PXDNL: variants seen among roughly 807,000 people sequenced by gnomAD.
The protein encoded by PXDNL is peroxidasin like, also known as probable oxidoreductase PXDNL.
A neutral mutation model predicts 150.8 loss-of-function variants in PXDNL; 145 were observed. The ratio of observed to expected loss-of-function variants is 0.96; its 90% CI spans 0.84 to 1.10. PXDNL has a LOEUF of 1.10. Among genes scored for constraint, PXDNL ranks in the 50% least tolerant of loss-of-function variants. The pLI is 0.00. For missense variants in PXDNL, 2,087 were observed against 1,873.9 expected (o/e 1.11, Z -2.10); for synonymous variants, 757 against 725.7 (o/e 1.04, Z -0.69).
At chr8:51,541,768 C>A (rs1197942848) in intron 4 of PXDNL, among the ~76,000 whole-genome samples, 1 of 152,162 alleles carries the variant, frequency 6.6e-6, no homozygotes, top group African/African-American at 2.4e-5. Context: ...TGGAAACCAC[C>A]TCTGGAAAAC....
chr8:51,668,541 C>T lies in PXDNL; in HGVS notation c.165-13781G>A, dbSNP rs138208069. ...GGCTAAAAGGAGAAAAGCACTCTTA[C>T]GAGAAGGATTTTGCTTAACCTATGG... On this transcript the variant is annotated intron_variant, in intron 1 of 22. Transcript: ENST00000356297. Among the ~76,000 whole-genome samples, 179 of 152,162 alleles carry T rather than the reference C, an allele frequency of 1.2e-3. 1 individual carries two copies. Among genetic ancestry groups the T allele is most frequent in the African/African-American group, 3.5e-3 (146 of 41,532 alleles).
chr8:51,349,165 GT>G (rs1806258074), intron 19 of PXDNL, among the ~76,000 whole-genome samples: 4 of 71,914 alleles, frequency 5.6e-5, no homozygotes, highest in Non-Finnish European at 1.4e-4. Context: ...GTGGGTGGGT[GT>G]GTGTGTGGGG....
At chr8:51,346,065 C>T (rs769011665) in intron 19 of PXDNL, 118 bp from the exon 20 acceptor site, 220 of 624,938 alleles carry the variant, frequency 3.5e-4, no homozygotes, top group South Asian at 2.1e-3. Context: ...GAGTAGAGAG[C>T]GAGAGTGAGA....
chr8:51,409,398 C>T lies in PXDNL; in HGVS notation c.2226G>A (p.Trp742Ter), dbSNP rs750436571. The T allele has an allele frequency of 1.9e-6, 3 of 1,609,438 alleles. No homozygotes were observed. Among genetic ancestry groups the T allele is most frequent in the Admixed American group, 1.7e-5 (1 of 59,552 alleles). ...GCGCGAAGGCGGTCAGCGCCGCGCC[C>T]CACGTGGGCTGCTGCAGGTTGTTGC... ...GTCNNLQQPT[W>*]GAALTAFARL... is the part of the protein sequence containing the mutation. The change falls in exon 17 of 23, where the codon TGG becomes TGA. Residue 742 changes from tryptophan (W) to a stop codon, truncating the protein, a stop_gained. Transcript: ENST00000356297. LOFTEE classifies it high-confidence loss of function.
At chr8:51,359,300 C>CAGTT (rs143299818) in intron 19 of PXDNL, among the ~76,000 whole-genome samples, 39,995 of 151,760 alleles carry the variant, frequency 0.26, 5,712 homozygotes, top group African/African-American at 0.36. Context: ...ATAATACAAA[C>CAGTT]AGGGCATTTC....
intron 19 of PXDNL, among the ~76,000 whole-genome samples, chr8:51,365,868 G>A (rs1403355754): frequency 1.3e-5 from 2 of 152,108 alleles, no homozygotes; most frequent in African/African-American, 4.8e-5. Flanking sequence ...CCTGCACCAG[G>A]CCCCAACAAA....
intron 17 of PXDNL, among the ~76,000 whole-genome samples, chr8:51,387,472 T>C (rs1272798382): frequency 1.3e-5 from 2 of 152,138 alleles, no homozygotes; most frequent in Non-Finnish European, 2.9e-5. Flanking sequence ...CTATGTTCGG[T>C]AGGAAAAAAT....
intron 4 of PXDNL, among the ~76,000 whole-genome samples, chr8:51,533,159 T>G (rs1370478152): frequency 6.6e-6 from 1 of 152,182 alleles, no homozygotes; most frequent in Non-Finnish European, 1.5e-5. Context: ...TATTTACTTT[T>G]TTATTTTTTG....
intron 17 of PXDNL, among the ~76,000 whole-genome samples, chr8:51,405,354 G>A (rs1489213403): frequency 1.3e-5 from 2 of 152,298 alleles, no homozygotes; most frequent in East Asian, 3.9e-4. Flanking sequence ...TGAGGGTGAA[G>A]TCCTCATTAA....
intron 20 of PXDNL, among the ~76,000 whole-genome samples, chr8:51,343,287 T>A (rs1425993930): frequency 6.6e-6 from 1 of 152,174 alleles, no homozygotes; most frequent in Non-Finnish European, 1.5e-5. Context: ...GCATGTTGGT[T>A]GAGGGAATTT....
Position 51,409,352 on chromosome 8 carries a change from G to C in PXDNL, c.2272C>G (p.Arg758Gly). 1.9e-6 allele frequency: 3 copies of C among 1,541,524 alleles called. No individual in the cohort carries two copies. The highest frequency in any genetic ancestry group is 2.5e-5 in the East Asian group (1 of 39,770). ...CCGCGGGGCGCGCGGATGCCGTCCC[G>C]GTAGGCTGGCTGCAGCAGGCGCGCG... ...AFARLLQPAY[R>G]DGIRAPRGLG... Residue 758 changes from arginine (R) to glycine (G), a missense_variant, in exon 17 of 23, where the codon CGG becomes GGG. By Grantham distance (125) the Arg-to-Gly change is moderately radical (BLOSUM62 -2). Transcript: ENST00000356297.
At chr8:51,764,770 G>GTGTA (rs1407600998) in intron 1 of PXDNL, among the ~76,000 whole-genome samples, 2 of 152,318 alleles carry the variant, frequency 1.3e-5, no homozygotes, top group East Asian at 3.9e-4. Context: ...TGAGAAAAAT[G>GTGTA]TGTACCCTGC....
rs563168157 is a variant in PXDNL at position 51,759,663 on chromosome 8, G to A, written c.164+49518C>T. 3.3e-5 allele frequency among the ~76,000 whole-genome samples: 5 copies of A among 152,226 alleles called. No homozygotes were observed. In the South Asian group the frequency reaches 8.3e-4, roughly 25 times the overall value. ...ATTCCTTTGTCATGCTTTAAGAGCT[G>A]TGCTGCAAGAAACTAAATAGCAATA... On this transcript the variant is annotated intron_variant, in intron 1 of 22. Transcript: ENST00000356297.
At chr8:51,638,118 A>AT (rs1376232976) in intron 2 of PXDNL, among the ~76,000 whole-genome samples, 1 of 152,234 alleles carries the variant, frequency 6.6e-6, no homozygotes, top group Non-Finnish European at 1.5e-5. Context: ...TAACTGAAGG[A>AT]TAAATAAAAT....
At chr8:51,611,442 T>C (rs1255185606) in intron 2 of PXDNL, among the ~76,000 whole-genome samples, 1 of 152,248 alleles carries the variant, frequency 6.6e-6, no homozygotes, top group African/African-American at 2.4e-5. Flanking sequence ...TTAACTATTT[T>C]ATGATAAATG....
At chr8:51,668,332 A>G (rs894001600) in intron 1 of PXDNL, among the ~76,000 whole-genome samples, 1 of 150,322 alleles carries the variant, frequency 6.7e-6, no homozygotes, top group Non-Finnish European at 1.5e-5. Context: ...GCACCACCAC[A>G]CCTGGCTAAT....
intron 12 of PXDNL, among the ~76,000 whole-genome samples, chr8:51,430,217 T>A (rs1428223662): frequency 6.6e-6 from 1 of 152,212 alleles, no homozygotes; most frequent in East Asian, 1.9e-4. Flanking sequence ...TGCCCTTGCA[T>A]CTCCTCATTT....
intron 2 of PXDNL, among the ~76,000 whole-genome samples, chr8:51,639,477 G>C (rs1440592026): frequency 6.6e-6 from 1 of 152,056 alleles, no homozygotes; most frequent in Non-Finnish European, 1.5e-5. Context: ...AAGAAGAAAA[G>C]AGAGAAGAAT....
At chr8:51,332,245 G>C (rs1399429642) in intron 21 of PXDNL, among the ~76,000 whole-genome samples, 2 of 152,140 alleles carry the variant, frequency 1.3e-5, no homozygotes, top group Non-Finnish European at 2.9e-5. Context: ...CTGCAGTTCA[G>C]CTCACAGGAA....
Sources: allele counts gnomAD v4.1 joint callset (sites outside exome capture counted in the v4.1 genomes callset), GRCh38; gene constraint gnomAD v4.1.1; transcripts MANE v1.5; gene names NCBI Gene and HGNC (gene_info 2026-07-23, HGNC 2026-07-21).